Variants in SLC14A2 observed in about 807,000 individuals in gnomAD.
The protein encoded by SLC14A2 is solute carrier family 14 member 2.
In SLC14A2, 91 loss-of-function variants were observed where a neutral mutation model predicts 104.6. The ratio of observed to expected loss-of-function variants is 0.87; its 90% confidence interval spans 0.73 to 1.04. The LOEUF is 1.04. SLC14A2 is among the 50% of genes least tolerant of loss of function. The pLI, the probability that SLC14A2 is intolerant of heterozygous loss-of-function variation, is 0.00. For synonymous variants in SLC14A2, 476 were observed against 466.4 expected, an observed-to-expected ratio of 1.02 and a Z score of -0.27; for missense variants, 1,189 against 1,156.0, an observed-to-expected ratio of 1.03 and a Z score of -0.41.
At chr18:45,585,722 C>T (rs1445290420) in intron 2 of SLC14A2, among the ~76,000 whole-genome samples, 2 of 152,176 alleles carry the variant, frequency 1.3e-5, no homozygotes, top group African/African-American at 4.8e-5. Context: ...CCTGCTCTTC[C>T]AGTCCTCGAC....
chr18:45,476,094 G>A (rs2087374011), intron 1 of SLC14A2, among the ~76,000 whole-genome samples: 1 of 152,074 alleles, frequency 6.6e-6, no homozygotes, highest in Non-Finnish European at 1.5e-5. Flanking sequence ...TTACAATTTG[G>A]TATGTTTTTG....
intron 2 of SLC14A2, among the ~76,000 whole-genome samples, chr18:45,558,860 G>A (rs765200007): frequency 1.3e-5 from 2 of 151,986 alleles, no homozygotes; most frequent in African/African-American, 4.8e-5. Flanking sequence ...ACACGATCTC[G>A]GCTCACTGCA....
intron 2 of SLC14A2, among the ~76,000 whole-genome samples, chr18:45,569,234 G>C (rs2044311934): frequency 6.6e-6 from 1 of 152,110 alleles, no homozygotes; most frequent in Non-Finnish European, 1.5e-5. Context: ...CCTCCAGTCT[G>C]AAAAAATCTG....
intron 1 of SLC14A2, among the ~76,000 whole-genome samples, chr18:45,411,637 T>G (rs901707360): frequency 2.0e-5 from 3 of 152,158 alleles, no homozygotes; most frequent in Non-Finnish European, 4.4e-5. Context: ...GTAATAAAGA[T>G]GATAAGTCCT....
chr18:45,359,382 C>T (rs796965458), intron 1 of SLC14A2, among the ~76,000 whole-genome samples: 22 of 152,322 alleles, frequency 1.4e-4, no homozygotes, highest in African/African-American at 5.3e-4. Context: ...AGCACCCCTC[C>T]TCCTCCTCTG....
chr18:45,524,935 G>T (rs1185651343), intron 2 of SLC14A2, among the ~76,000 whole-genome samples: 1 of 152,168 alleles, frequency 6.6e-6, no homozygotes, highest in African/African-American at 2.4e-5. Flanking sequence ...TAATTCAGGA[G>T]ACTTAAAGCA....
At chr18:45,555,753 A>G (rs1417278604) in intron 2 of SLC14A2, among the ~76,000 whole-genome samples, 1 of 152,216 alleles carries the variant, frequency 6.6e-6, no homozygotes, top group Non-Finnish European at 1.5e-5. Context: ...ATGTTCCCTC[A>G]TGGAGACAGA....
intron 1 of SLC14A2, among the ~76,000 whole-genome samples, chr18:45,619,848 A>AG (rs1470038034): frequency 6.6e-6 from 1 of 152,152 alleles, no homozygotes; most frequent in Non-Finnish European, 1.5e-5. Context: ...TGGGAGCACG[A>AG]GAAGAGGGAA....
chr18:45,196,916 T>C, the SLC14A2 span, among the ~76,000 whole-genome samples: 1 of 152,226 alleles, frequency 6.6e-6, no homozygotes, highest in Non-Finnish European at 1.5e-5. Flanking sequence ...TGCAGCATAC[T>C]GTAACTACAA....
intron 1 of SLC14A2, among the ~76,000 whole-genome samples, chr18:45,471,166 C>T (rs1008193593): frequency 6.6e-6 from 1 of 152,168 alleles, no homozygotes; most frequent in African/African-American, 2.4e-5. Flanking sequence ...TGTACTTGAA[C>T]AACAGTTTGA....
At position 45,603,334 on chromosome 18, in the gene SLC14A2, G is replaced by A. The variant is rs576782008; in HGVS notation, c.-34-21297G>A. On this transcript the variant is annotated intron_variant, in intron 2 of 20. Coordinates refer to the SLC14A2 transcript ENST00000586448. ...GTTGGTCCATAATTGATAAGAACAT[G>A]CGTGTGGTTTCCCAGAGAGTGGTCT... Among the ~76,000 whole-genome samples the A allele has an allele frequency of 8.3e-4, 127 of 152,146 alleles. 1 individual carries two copies. The highest frequency in any genetic ancestry group is 2.9e-3 in the African/African-American group (119 of 41,498).
intron 1 of SLC14A2, among the ~76,000 whole-genome samples, chr18:45,321,283 A>G (rs932127094): frequency 1.3e-5 from 2 of 152,248 alleles, no homozygotes; most frequent in African/African-American, 4.8e-5. Context: ...AACAACCACA[A>G]CAAGGGGACC....
rs1236252889 is a variant in SLC14A2, at chr18:45,648,546, A to C, written c.1351+4386A>C. 2.6e-5 allele frequency among the ~76,000 whole-genome samples: 4 copies of C among 152,012 alleles called. No homozygotes were observed. The East Asian group carries it at 5.8e-4, about 22-fold the overall frequency. ...CCATCACTCCAACTTAACCAGTATTAATATTGTTGTACCTTCTTTCTTTCT... is the reference window on the plus strand; with the variant it reads ...CCATCACTCCAACTTAACCAGTATTCATATTGTTGTACCTTCTTTCTTTCT... On this transcript the variant is annotated intron_variant, in intron 10 of 19. Transcript: ENST00000255226.
At chr18:45,292,565 G>A (rs2084880388) in intron 1 of SLC14A2, among the ~76,000 whole-genome samples, 1 of 152,166 alleles carries the variant, frequency 6.6e-6, no homozygotes, top group Admixed American at 6.5e-5. Context: ...AGTGGGTTGT[G>A]GGGGCAGTTG....
chr18:45,244,688 C>T (rs2084351205), intron 1 of SLC14A2, among the ~76,000 whole-genome samples: 1 of 152,058 alleles, frequency 6.6e-6, no homozygotes, highest in South Asian at 2.1e-4. Flanking sequence ...AATAGACATG[C>T]CTGTATGAGG....
chr18:45,489,722 C>T (rs971275201), intron 2 of SLC14A2, among the ~76,000 whole-genome samples: 1 of 152,150 alleles, frequency 6.6e-6, no homozygotes, highest in Non-Finnish European at 1.5e-5. Flanking sequence ...TCGCATCTCA[C>T]TGGAAGATGC....
intron 1 of SLC14A2, among the ~76,000 whole-genome samples, chr18:45,291,528 T>A (rs1256412136): frequency 2.0e-5 from 3 of 152,162 alleles, no homozygotes; most frequent in Non-Finnish European, 4.4e-5. Flanking sequence ...CGTTTTCTCC[T>A]AACCTCCCAG....
At chr18:45,230,885 G>A (rs2084167993) in intron 1 of SLC14A2, among the ~76,000 whole-genome samples, 1 of 152,166 alleles carries the variant, frequency 6.6e-6, no homozygotes, top group South Asian at 2.1e-4. Context: ...ACAAATTATT[G>A]GAATGAATAA....
chr18:45,411,579 A>G (rs1279807358), intron 1 of SLC14A2, among the ~76,000 whole-genome samples: 1 of 152,194 alleles, frequency 6.6e-6, no homozygotes, highest in Non-Finnish European at 1.5e-5. Context: ...CTAGATCGCT[A>G]TCCACTCAAC....
Sources: gnomAD v4.1 joint callset for allele counts (sites outside exome capture counted in the v4.1 genomes callset) on GRCh38, gnomAD v4.1.1 for gene constraint, MANE v1.5 for transcripts, NCBI Gene and HGNC (gene_info 2026-07-23, HGNC 2026-07-21) for gene names.